The following NRXN1 variants were observed in gnomAD, a reference collection of about 807,000 sequenced individuals.
NRXN1 encodes the protein neurexin 1.
Under a neutral mutation model 150.9 loss-of-function variants are expected in NRXN1, and 39 were observed. The observed-to-expected ratio is 0.26, with a 90% CI of 0.20 to 0.34. The LOEUF (loss-of-function observed/expected upper bound fraction) is 0.34. NRXN1 is among the 10% of genes least tolerant of loss of function. The probability of loss-of-function intolerance (pLI) is 1.00; values close to 1 mark genes in which losing one functional copy is unlikely to be tolerated. For missense variants in NRXN1, 1,815 were observed against 1,949.9 expected, an observed-to-expected ratio of 0.93 and a Z score of 1.30; for synonymous variants, 924 against 757.0, an observed-to-expected ratio of 1.22 and a Z score of -3.62.
intron 5 of NRXN1, among the ~76,000 whole-genome samples, chr2:50,652,343 AT>A (rs1685766296): frequency 6.6e-6 from 1 of 152,026 alleles, no homozygotes; most frequent in Non-Finnish European, 1.5e-5. Flanking sequence ...ATTTTACAAC[AT>A]TTTCATTGCA....
intron 17 of NRXN1, among the ~76,000 whole-genome samples, chr2:50,328,730 C>CA (rs1330029593): frequency 6.6e-6 from 1 of 152,012 alleles, no homozygotes; most frequent in Admixed American, 6.6e-5. Flanking sequence ...AGTGAGACTC[C>CA]ATCTCAAAAA....
chr2:50,165,636 A>G (rs372986704), intron 18 of NRXN1, among the ~76,000 whole-genome samples: 1 of 152,106 alleles, frequency 6.6e-6, no homozygotes, highest in Non-Finnish European at 1.5e-5. Context: ...GGCGTGAGCC[A>G]CCCACCGCGC....
At chr2:50,489,626 T>A (rs1238156974) in intron 15 of NRXN1, among the ~76,000 whole-genome samples, 5 of 152,056 alleles carry the variant, frequency 3.3e-5, no homozygotes, top group African/African-American at 1.2e-4. Context: ...CTTCCTAAGT[T>A]CACGTGATTC....
intron 17 of NRXN1, among the ~76,000 whole-genome samples, chr2:50,275,209 G>C (rs2070283677): frequency 1.3e-5 from 2 of 152,198 alleles, no homozygotes; most frequent in South Asian, 4.1e-4. Context: ...TGCTTGAATG[G>C]GAAATAAATG....
At chr2:51,010,810 G>A (rs1334703735) in intron 2 of NRXN1, among the ~76,000 whole-genome samples, 1 of 140,780 alleles carries the variant, frequency 7.1e-6, no homozygotes, top group Non-Finnish European at 1.5e-5. Flanking sequence ...TTTTTTTTTT[G>A]GTCTTGCTTT....
chr2:51,018,557 A>G (rs1364421207), intron 2 of NRXN1, among the ~76,000 whole-genome samples: 1 of 152,114 alleles, frequency 6.6e-6, no homozygotes, highest in Non-Finnish European at 1.5e-5. Context: ...TTGGGAAGCC[A>G]AACACGCTTA....
chr2:50,268,950 G>A (rs1181928852), intron 17 of NRXN1, among the ~76,000 whole-genome samples: 1 of 152,106 alleles, frequency 6.6e-6, no homozygotes, highest in African/African-American at 2.4e-5. Context: ...CTGATGCCTA[G>A]ACAGGTGAGT....
At position 50,046,268 on chromosome 2, in the gene NRXN1, T is replaced by C. The variant is rs550139159; in HGVS notation, c.4128+7003A>G. Among the ~76,000 whole-genome samples, 6 of 152,158 alleles carry C rather than the reference T, an allele frequency of 3.9e-5. No homozygotes were observed. The South Asian group carries it at 1.2e-3, about 31-fold the overall frequency. ...GGACCTCACGATAACTCTCTCTTTG[T>C]GTTATTACCTGCCCTCCACTGCCGC... On this transcript the variant is annotated intron_variant, in intron 21 of 22. Transcript: ENST00000401669.
chr2:49,926,712 C>T (rs933162994), intron 22 of NRXN1, among the ~76,000 whole-genome samples: 2 of 152,078 alleles, frequency 1.3e-5, no homozygotes, highest in African/African-American at 4.8e-5. Context: ...TTTTAAACAA[C>T]AACAGGAAAG....
chr2:50,984,150 T>C (rs1485230566), intron 2 of NRXN1, among the ~76,000 whole-genome samples: 1 of 137,958 alleles, frequency 7.2e-6, no homozygotes, highest in East Asian at 2.1e-4. Flanking sequence ...TTTTTTTTTT[T>C]TTTTTTTTTT....
At chr2:50,725,045 G>A (rs371997202) in intron 5 of NRXN1, among the ~76,000 whole-genome samples, 12 of 152,176 alleles carry the variant, frequency 7.9e-5, no homozygotes, top group South Asian at 4.1e-4. Context: ...ATCAGGTTAC[G>A]TAATAATTAT....
intron 21 of NRXN1, among the ~76,000 whole-genome samples, chr2:49,987,292 A>G (rs1681092489): frequency 6.6e-6 from 1 of 152,088 alleles, no homozygotes; most frequent in African/African-American, 2.4e-5. Flanking sequence ...TATTTTGAAA[A>G]TAATTTTGAC....
chr2:50,101,571 G>A (rs1011103903), intron 18 of NRXN1, among the ~76,000 whole-genome samples: 1 of 151,918 alleles, frequency 6.6e-6, no homozygotes, highest in Non-Finnish European at 1.5e-5. Context: ...TTAGTCCTCT[G>A]CATGGCAAAT....
At chr2:50,141,547 G>C (rs997866518) in intron 18 of NRXN1, among the ~76,000 whole-genome samples, 5 of 152,006 alleles carry the variant, frequency 3.3e-5, no homozygotes, top group African/African-American at 1.2e-4. Flanking sequence ...GAAAATATTT[G>C]CAAACTATTC....
intron 18 of NRXN1, among the ~76,000 whole-genome samples, chr2:50,101,721 C>G (rs146328118): frequency 6.6e-6 from 1 of 152,074 alleles, no homozygotes; most frequent in Non-Finnish European, 1.5e-5. Flanking sequence ...AAGCTACATA[C>G]AGTAAACTGG....
chr2:50,197,450 C>A (rs922894331), intron 18 of NRXN1, among the ~76,000 whole-genome samples: 1 of 152,132 alleles, frequency 6.6e-6, no homozygotes, highest in African/African-American at 2.4e-5. Flanking sequence ...GTTGATGAAT[C>A]CGAATCACCT....
At chr2:51,026,193 T>G (rs980285623) in intron 2 of NRXN1, among the ~76,000 whole-genome samples, 2 of 152,206 alleles carry the variant, frequency 1.3e-5, no homozygotes, top group Admixed American at 1.3e-4. Context: ...CACACAGAGC[T>G]TTTGTCCCTA....
Position 51,028,025 on chromosome 2 carries a change from C to A in NRXN1, c.249G>T (p.Leu83=), listed in dbSNP as rs565771336. ...EGFCDFLELI[L]TRGGRLQLSF... is the part of the protein sequence containing the mutation. ...TGAGCTGCAGGCGGCCGCCGCGCGT[C>A]AGAATCAGCTCCAGGAAGTCGCAGA... The change falls in exon 2 of 23, where the codon CTG becomes CTT. Residue 83 remains leucine (L), a synonymous_variant. Transcript: ENST00000401669. 3.8e-6 allele frequency: 6 copies of A among 1,599,950 alleles called. No homozygotes were observed. The African/African-American group carries it at 6.7e-5, about 18-fold the overall frequency.
At chr2:50,339,872 T>C (rs1458561560) in intron 17 of NRXN1, among the ~76,000 whole-genome samples, 1 of 152,216 alleles carries the variant, frequency 6.6e-6, no homozygotes, top group South Asian at 2.1e-4. Context: ...TTAATAACTA[T>C]GAGTTAGCTA....
Sources: allele counts gnomAD v4.1 joint callset (sites outside exome capture counted in the v4.1 genomes callset), GRCh38; gene constraint gnomAD v4.1.1; transcripts MANE v1.5; gene names NCBI Gene and HGNC (gene_info 2026-07-23, HGNC 2026-07-21).